The following RABGAP1L variants were observed in gnomAD, a reference collection of about 807,000 sequenced individuals.
RABGAP1L encodes rab GTPase-activating protein 1-like.
Under a neutral mutation model 137.7 loss-of-function variants are expected in RABGAP1L, and 63 were observed. The ratio of observed to expected loss-of-function variants is 0.46; its 90% CI spans 0.37 to 0.56. The LOEUF (loss-of-function observed/expected upper bound fraction) is 0.56. Ranked by LOEUF, RABGAP1L falls within the 20% of genes least tolerant of loss-of-function variation. The probability of loss-of-function intolerance (pLI) is 0.00; values close to 1 mark genes in which losing one functional copy is unlikely to be tolerated. For missense variants in RABGAP1L, 1,095 were observed against 1,244.0 expected (o/e 0.88, Z 1.80); for synonymous variants, 431 against 433.7 (o/e 0.99, Z 0.08).
intron 13 of RABGAP1L, among the ~76,000 whole-genome samples, chr1:174,536,969 A>G (rs753036784): frequency 6.6e-6 from 1 of 152,146 alleles, no homozygotes; most frequent in Non-Finnish European, 1.5e-5. Flanking sequence ...GGAAATTTTG[A>G]ATTTGTAGAG....
intron 18 of RABGAP1L, among the ~76,000 whole-genome samples, chr1:174,791,407 A>T (rs1687852460): frequency 6.6e-6 from 1 of 152,202 alleles, no homozygotes; most frequent in South Asian, 2.1e-4. Flanking sequence ...TTGGAGATGG[A>T]CCATAGGAAG....
Position 174,370,965 on chromosome 1 carries a change from C to A in RABGAP1L, c.1466-14C>A. ...ATAAAATAATGTTTGTTGGTTTTTGCGTTTCTTCTGCAGAGAGTGATAATG... is the reference window on the plus strand; with the variant it reads ...ATAAAATAATGTTTGTTGGTTTTTGAGTTTCTTCTGCAGAGAGTGATAATG... On this transcript the variant is annotated splice_polypyrimidine_tract_variant and intron_variant, in intron 11 of 25. Coordinates refer to ENST00000681986, the MANE Select transcript of RABGAP1L (RefSeq NM_001366446.1). 1 of 1,391,110 alleles carries A rather than the reference C, an allele frequency of 7.2e-7. No homozygotes were observed. Among genetic ancestry groups the A allele is most frequent in the Non-Finnish European group, 9.8e-7 (1 of 1,025,620 alleles). The allele number at this position is 1,391,110 out of a possible 1,614,324, so 86.2% of individuals were successfully genotyped here.
intron 1 of RABGAP1L, among the ~76,000 whole-genome samples, chr1:174,189,065 G>C (rs1019190674): frequency 1.3e-5 from 2 of 152,168 alleles, no homozygotes; most frequent in Non-Finnish European, 2.9e-5. Context: ...GAGAGCAGTG[G>C]TGTGATCTTG....
chr1:174,457,660 G>A (rs1204278841), intron 13 of RABGAP1L, among the ~76,000 whole-genome samples: 3 of 151,664 alleles, frequency 2.0e-5, no homozygotes, highest in Non-Finnish European at 2.9e-5. Context: ...GTGCCACCAC[G>A]CCTAGCTAAT....
chr1:174,565,506 C>G (rs2148031517), intron 13 of RABGAP1L, among the ~76,000 whole-genome samples: 1 of 152,138 alleles, frequency 6.6e-6, no homozygotes, highest in East Asian at 1.9e-4. Flanking sequence ...ATTTATGACC[C>G]CTGTCTGTAG....
At chr1:174,613,450 A>T (rs1211627224) in intron 13 of RABGAP1L, among the ~76,000 whole-genome samples, 5 of 151,978 alleles carry the variant, frequency 3.3e-5, no homozygotes, top group Non-Finnish European at 7.4e-5. Flanking sequence ...GTTCTTTTAC[A>T]TTTGCTGAGG....
Position 174,221,022 on chromosome 1 carries a change from G to C in RABGAP1L, c.189G>C (p.Leu63Phe). 6.2e-7 allele frequency: 1 copy of C among 1,613,776 alleles called. No individual in the cohort carries two copies. The change falls in exon 3 of 26, where the codon TTG (leucine) becomes TTC (phenylalanine). Residue 63 changes from leucine to phenylalanine, a missense_variant. Physicochemically the swap from Leu to Phe is conservative, Grantham distance 22. Transcript: ENST00000681986. Reference protein sequence around the residue: ...EQLEKAMEEILRDSEKRPSSL... With the variant: ...EQLEKAMEEIFRDSEKRPSSL... ...TGGAAAAAGCCATGGAAGAGATTTT[G>C]AGAGATTCCGAGAAAAGGCCAAGCA...
chr1:174,622,100 A>G (rs1412691164), intron 13 of RABGAP1L, among the ~76,000 whole-genome samples: 1 of 152,238 alleles, frequency 6.6e-6, no homozygotes, highest in Non-Finnish European at 1.5e-5. Flanking sequence ...GACACATGAA[A>G]AAATGCTCAT....
chr1:174,743,619 T>C (rs909527101), intron 17 of RABGAP1L, among the ~76,000 whole-genome samples: 1 of 152,092 alleles, frequency 6.6e-6, no homozygotes, highest in Admixed American at 6.6e-5. Flanking sequence ...CCTGAACATA[T>C]ACCTTTGAAC....
At chr1:174,958,330 G>T in intron 20 of RABGAP1L, 1 of 685,408 alleles carries the variant, frequency 1.5e-6, no homozygotes, top group South Asian at 2.0e-5. Flanking sequence ...ATGGTAATTA[G>T]CAACACTGTT....
intron 19 of RABGAP1L, among the ~76,000 whole-genome samples, chr1:174,822,673 T>A (rs1691156677): frequency 6.6e-6 from 1 of 152,148 alleles, no homozygotes; most frequent in South Asian, 2.1e-4. Context: ...GGGTTCACGC[T>A]CCTATGAAAA....
Position 174,704,367 on chromosome 1 carries a change from G to A in RABGAP1L, c.2169+2111G>A, listed in dbSNP as rs1208360206. On this transcript the variant is annotated intron_variant, in intron 17 of 25. Coordinates refer to ENST00000681986, the MANE Select transcript of RABGAP1L (RefSeq NM_001366446.1). The stretch of plus-strand genomic sequence containing the variant: ...AAATAAGATTTAAAAGATGCAATGT[G>A]TAAACTATATAAAGCATAAAAATGT... 2.0e-5 allele frequency among the ~76,000 whole-genome samples: 3 copies of A among 152,290 alleles called. No homozygotes were observed. The South Asian group carries it at 6.2e-4, about 32-fold the overall frequency.
chr1:174,890,221 G>T (rs1337402106), intron 19 of RABGAP1L, among the ~76,000 whole-genome samples: 1 of 152,192 alleles, frequency 6.6e-6, no homozygotes, highest in Non-Finnish European at 1.5e-5. Flanking sequence ...GTAAACAGCC[G>T]TGTATGAGTC....
intron 18 of RABGAP1L, among the ~76,000 whole-genome samples, chr1:174,797,862 G>T (rs1417038546): frequency 6.6e-6 from 1 of 151,960 alleles, no homozygotes; most frequent in Non-Finnish European, 1.5e-5. Context: ...AGAACTTTAG[G>T]ACCTGAAATT....
At chr1:174,421,636 A>G (rs1002229172) in intron 13 of RABGAP1L, among the ~76,000 whole-genome samples, 1 of 152,094 alleles carries the variant, frequency 6.6e-6, no homozygotes. Context: ...TTTATTCTTT[A>G]TTCTTGCAGG....
chr1:174,906,375 C>G (rs896529255), intron 19 of RABGAP1L, among the ~76,000 whole-genome samples: 3 of 152,098 alleles, frequency 2.0e-5, no homozygotes, highest in African/African-American at 7.2e-5. Flanking sequence ...TGCCTGTAAT[C>G]CCAGCATTTT....
At chr1:174,867,434 C>T (rs945929491) in intron 19 of RABGAP1L, among the ~76,000 whole-genome samples, 2 of 152,000 alleles carry the variant, frequency 1.3e-5, no homozygotes, top group African/African-American at 4.8e-5. Flanking sequence ...ACATTAAGAG[C>T]AAAATACTAA....
intron 19 of RABGAP1L, among the ~76,000 whole-genome samples, chr1:174,854,700 G>A (rs1325874796): frequency 1.7e-4 from 19 of 110,808 alleles, no homozygotes; most frequent in African/African-American, 6.4e-4. Flanking sequence ...AACTGCAATA[G>A]ACTCAATATA....
chr1:174,764,984 A>G (rs909923416), intron 18 of RABGAP1L, among the ~76,000 whole-genome samples: 2 of 152,182 alleles, frequency 1.3e-5, no homozygotes, highest in African/African-American at 2.4e-5. Flanking sequence ...ACCTGTTACT[A>G]ATAAACTACT....
Sources: allele counts gnomAD v4.1 joint callset (sites outside exome capture counted in the v4.1 genomes callset), GRCh38; gene constraint gnomAD v4.1.1; transcripts MANE v1.5; gene names NCBI Gene and HGNC (gene_info 2026-07-23, HGNC 2026-07-21).